The following FANCI variants were observed in gnomAD, a reference collection of about 807,000 sequenced individuals.
FANCI encodes Fanconi anemia group I protein.
A neutral mutation model predicts 176.1 loss-of-function variants in FANCI; 156 were observed. That is an observed-to-expected ratio of 0.89 (90% CI 0.78 to 1.01). The LOEUF is 1.01. FANCI is among the 50% of genes least tolerant of loss of function. The pLI, the probability that FANCI is intolerant of heterozygous loss-of-function variation, is 0.00. For synonymous variants in FANCI, 613 were observed against 541.7 expected (o/e 1.13, Z -1.83); for missense variants, 1,678 against 1,534.1 (o/e 1.09, Z -1.57).
intron 12 of FANCI, among the ~76,000 whole-genome samples, chr15:89,276,385 C>T (rs2053412652): frequency 6.6e-6 from 1 of 152,212 alleles, no homozygotes; most frequent in African/African-American, 2.4e-5. Flanking sequence ...TAAGCGTTGT[C>T]AGTGCTGTAG....
Position 89,290,138 on chromosome 15 carries a change from A to G in FANCI, c.1822-75A>G, listed in dbSNP as rs2151687953. Reference sequence around the variant, plus strand: ...CTGAGAAGAGGATAAAGAAAGTGTTATTTTTAAGTTATGATTGTCCAGATC... The same window carrying G: ...CTGAGAAGAGGATAAAGAAAGTGTTGTTTTTAAGTTATGATTGTCCAGATC... On this transcript the variant is annotated intron_variant, in intron 18 of 37. Coordinates refer to ENST00000310775, the MANE Select transcript of FANCI (RefSeq NM_001113378.2). 6.7e-6 allele frequency: 8 copies of G among 1,193,448 alleles called. No homozygotes were observed. In the South Asian group the frequency reaches 8.5e-5, roughly 13 times the overall value. The allele number at this position is 1,193,448 out of a possible 1,614,324, so 73.9% of individuals were successfully genotyped here. A position where few individuals can be genotyped will look rare whatever the true frequency, so the allele number is the denominator to read the frequency against.
intron 28 of FANCI, among the ~76,000 whole-genome samples, chr15:89,304,434 G>T (rs994397365): frequency 6.6e-6 from 1 of 152,190 alleles, no homozygotes; most frequent in Non-Finnish European, 1.5e-5. Flanking sequence ...GTAGAATTCC[G>T]TTTAGATGAA....
At chr15:89,245,372 T>G (rs1477238260) in intron 1 of FANCI, 1 of 110,288 alleles carries the variant, frequency 9.1e-6, no homozygotes, top group African/African-American at 4.6e-5. Context: ...TTTTTTTTTG[T>G]ATTTTTAGTA....
At chr15:89,304,777 CTT>C (rs5814364) in intron 28 of FANCI, among the ~76,000 whole-genome samples, 86 of 143,736 alleles carry the variant, frequency 6.0e-4, no homozygotes, top group Admixed American at 2.1e-3. Context: ...TATAACTTAA[CTT>C]TTTTTTTTTT....
At chr15:89,277,093 GT>G (rs2053437642) in intron 13 of FANCI, among the ~76,000 whole-genome samples, 1 of 152,206 alleles carries the variant, frequency 6.6e-6, no homozygotes, top group African/African-American at 2.4e-5. Flanking sequence ...TTCTATGTAA[GT>G]TTTTCATTTA....
At chr15:89,255,555 T>C (rs1159761162) in intron 2 of FANCI, among the ~76,000 whole-genome samples, 1 of 152,192 alleles carries the variant, frequency 6.6e-6, no homozygotes, top group Non-Finnish European at 1.5e-5. Flanking sequence ...CCTGATGTGA[T>C]ACTCCGAGAA....
At chr15:89,306,272 A>G in intron 32 of FANCI, 78 bp downstream of exon 32, 3 of 1,394,132 alleles carry the variant, frequency 2.2e-6, no homozygotes, top group Non-Finnish European at 3.0e-6. Flanking sequence ...GCAGCAGCCC[A>G]CTGCTGCAGA....
At chr15:89,307,869 C>G in intron 34 of FANCI, 197 bp downstream of exon 34, 1 of 1,453,314 alleles carries the variant, frequency 6.9e-7, no homozygotes, top group Non-Finnish European at 9.0e-7. Context: ...AAAACTGTTT[C>G]ACTTAATTTG....
At chr15:89,312,388 C>G (rs2054999142) in intron 34 of FANCI, among the ~76,000 whole-genome samples, 1 of 152,212 alleles carries the variant, frequency 6.6e-6, no homozygotes, top group Non-Finnish European at 1.5e-5. Context: ...TTGTAAACCT[C>G]TCAACAACTA....
chr15:89,307,743 A>G, intron 34 of FANCI, 71 bp downstream of exon 34: 1 of 1,613,474 alleles, frequency 6.2e-7, no homozygotes, highest in African/African-American at 1.3e-5. Flanking sequence ...GGGACTATTG[A>G]TCACCTGAAC....
chr15:89,273,640 G>A (rs753571742), intron 11 of FANCI, among the ~76,000 whole-genome samples, 171 bp downstream of exon 11: 20 of 152,102 alleles, frequency 1.3e-4, no homozygotes, highest in Non-Finnish European at 2.5e-4. Flanking sequence ...GTTCTCTGGG[G>A]ATTGATGGAA....
chr15:89,257,986 A>G (rs1275084825), intron 2 of FANCI, among the ~76,000 whole-genome samples: 2 of 152,034 alleles, frequency 1.3e-5, no homozygotes, highest in Non-Finnish European at 2.9e-5. Context: ...GGCCTGTAAG[A>G]TTCTTCATAA....
intron 18 of FANCI, among the ~76,000 whole-genome samples, chr15:89,287,084 C>A (rs577668455): frequency 6.8e-6 from 1 of 147,680 alleles, no homozygotes; most frequent in South Asian, 2.2e-4. Context: ...AGTGATTCTC[C>A]TGCCTCAGCC....
chr15:89,313,132 G>A (rs982667789), intron 35 of FANCI, among the ~76,000 whole-genome samples, 160 bp downstream of exon 35: 5 of 151,742 alleles, frequency 3.3e-5, no homozygotes, highest in Non-Finnish European at 5.9e-5. Flanking sequence ...TAGTGGTAGC[G>A]TAGAGCTAGG....
At chr15:89,294,149 G>C (rs567531923) in intron 23 of FANCI, 152 bp downstream of exon 23, 2 of 847,904 alleles carry the variant, frequency 2.4e-6, no homozygotes, top group Non-Finnish European at 3.8e-6. Context: ...ACAATCCTAG[G>C]TAGGTACTTT....
Position 89,268,452 on chromosome 15 carries a change from C to T in FANCI, c.809C>T (p.Thr270Ile), listed in dbSNP as rs1567148420. ...GGTGAACTTCGTCATGTGGAAGGCA[C>T]CATTATTCTACACATTGTGTTTGCC... ...PSGELRHVEG[T>I]IILHIVFAIK... The change falls in exon 10 of 38, where the codon ACC (threonine) becomes ATC (isoleucine). Residue 270 changes from threonine (T) to isoleucine (I), a missense_variant. Physicochemically the swap from Thr to Ile is moderately conservative, Grantham distance 89. Around this residue, in one of 3 missense-constraint regions of FANCI, gnomAD observed 469 missense variants for 436.9 expected, o/e 1.07. Transcript: ENST00000310775. 6.2e-7 allele frequency: 1 copy of T among 1,614,070 alleles called. No homozygotes were observed.
chr15:89,299,562 C>T (rs927113036), intron 24 of FANCI, among the ~76,000 whole-genome samples: 7 of 152,228 alleles, frequency 4.6e-5, no homozygotes, highest in African/African-American at 1.2e-4. Flanking sequence ...AAAGTAAAAC[C>T]ATAGGGACAG....
chr15:89,292,650 C>T (rs1184264269), intron 20 of FANCI, 38 bp from the exon 21 acceptor site: 4 of 1,592,092 alleles, frequency 2.5e-6, no homozygotes, highest in Non-Finnish European at 2.6e-6. Flanking sequence ...TATCCATCAA[C>T]ACTCAAGAGT....
At chr15:89,298,737 A>C (rs1352470027) in intron 24 of FANCI, among the ~76,000 whole-genome samples, 1 of 152,218 alleles carries the variant, frequency 6.6e-6, no homozygotes, top group East Asian at 1.9e-4. Flanking sequence ...GACACATTAC[A>C]AATTGCAGAA....
Sources: gnomAD v4.1 joint callset for allele counts (sites outside exome capture counted in the v4.1 genomes callset) on GRCh38, gnomAD v4.1.1 for gene constraint, gnomAD v4.1.1 regional missense constraint, MANE v1.5 for transcripts, NCBI Gene and HGNC (gene_info 2026-07-23, HGNC 2026-07-21) for gene names.